PRLR: variants seen among roughly 807,000 people sequenced by gnomAD.
The protein encoded by PRLR is hPRL receptor.
PRLR carries 13 observed loss-of-function variants against 40.2 expected under a neutral mutation model. The observed-to-expected ratio is 0.32, with a 90% confidence interval of 0.21 to 0.51. The LOEUF is 0.51. Among genes scored for constraint, PRLR ranks in the 20% least tolerant of loss-of-function variants. PRLR has a pLI of 0.97. For missense variants in PRLR, 656 were observed against 747.3 expected (o/e 0.88, Z 1.42); for synonymous variants, 269 against 278.7 (o/e 0.97, Z 0.35).
At chr5:35,073,752 A>T (rs993342978) in intron 5 of PRLR, among the ~76,000 whole-genome samples, 2 of 152,210 alleles carry the variant, frequency 1.3e-5, no homozygotes, top group African/African-American at 2.4e-5. Context: ...AGGATACAAA[A>T]TTCAAGGAGG....
At chr5:35,200,596 A>G (rs189613201) in intron 1 of PRLR, among the ~76,000 whole-genome samples, 9 of 152,322 alleles carry the variant, frequency 5.9e-5, no homozygotes, top group Admixed American at 5.2e-4. Flanking sequence ...CTGTCCTGGC[A>G]GCTGAGGAAG....
At position 35,062,057 on chromosome 5, in the gene PRLR, CA is replaced by C. The variant is rs1366758085; in HGVS notation, c.*3031del. ...TAATCTTAGAATATGATTCTGTACA[CA>C]TTTCACTTATAAAATACTTGTGCAA... On this transcript the variant is annotated 3_prime_UTR_variant, in exon 10 of 10. Coordinates refer to ENST00000618457, the MANE Select transcript of PRLR (RefSeq NM_000949.7). The C allele has an allele frequency of 1.3e-5, 2 of 152,088 alleles. No individual in the cohort carries two copies. Among genetic ancestry groups the C allele is most frequent in the African/African-American group, 4.8e-5 (2 of 41,402 alleles). 9.4% of individuals were successfully genotyped at this position (152,088 alleles called of 1,614,324 possible).
intron 2 of PRLR, among the ~76,000 whole-genome samples, chr5:35,090,239 G>A (rs1035611462): frequency 5.9e-5 from 9 of 152,144 alleles, no homozygotes; most frequent in Non-Finnish European, 8.8e-5. Context: ...GAACCTCCAC[G>A]TGGTTTCTTT....
intron 5 of PRLR, among the ~76,000 whole-genome samples, chr5:35,082,742 T>C (rs1465924928): frequency 6.6e-6 from 1 of 152,192 alleles, no homozygotes; most frequent in East Asian, 1.9e-4. Context: ...AGTCGAAGTG[T>C]CAGAAAATGT....
At chr5:35,089,209 G>C (rs6883408) in intron 3 of PRLR, among the ~76,000 whole-genome samples, 3,308 of 152,234 alleles carry the variant, frequency 0.022, 115 homozygotes, top group African/African-American at 0.077. Flanking sequence ...TCCTCACTTT[G>C]AGAATTTGGA....
At chr5:35,152,493 C>CAT (rs746282631) in intron 1 of PRLR, among the ~76,000 whole-genome samples, 102 of 152,174 alleles carry the variant, frequency 6.7e-4, no homozygotes, top group Non-Finnish European at 1.2e-3. Context: ...AAAATTTTAG[C>CAT]ATAGGAGATT....
exon 9 of PRLR, chr5:35,049,001 T>C: frequency 2.2e-6 from 1 of 459,034 alleles, no homozygotes. Context: ...TAACAACCTT[T>C]TACTCCAAAT....
chr5:35,229,804 T>A (rs1776650371), intron 1 of PRLR, among the ~76,000 whole-genome samples: 1 of 151,644 alleles, frequency 6.6e-6, no homozygotes, highest in African/African-American at 2.4e-5. Context: ...GAGTCTCGAG[T>A]CCGGCTTTCA....
At chr5:35,194,624 A>G (rs1775687820) in intron 1 of PRLR, among the ~76,000 whole-genome samples, 1 of 152,228 alleles carries the variant, frequency 6.6e-6, no homozygotes, top group Non-Finnish European at 1.5e-5. Flanking sequence ...CTGGAAAAAC[A>G]TGGAGGAAGC....
intron 1 of PRLR, among the ~76,000 whole-genome samples, chr5:35,162,229 AAATC>A (rs1443085190): frequency 6.6e-6 from 1 of 152,206 alleles, no homozygotes; most frequent in Non-Finnish European, 1.5e-5. Context: ...GCACACAAGA[AAATC>A]TATCTATCTT....
intron 2 of PRLR, among the ~76,000 whole-genome samples, chr5:35,097,686 A>G (rs913116885): frequency 6.6e-6 from 1 of 152,144 alleles, no homozygotes; most frequent in Non-Finnish European, 1.5e-5. Flanking sequence ...CTCACTCAGC[A>G]TGCTCCCCCA....
intron 1 of PRLR, among the ~76,000 whole-genome samples, chr5:35,201,953 T>C (rs1298722880): frequency 6.6e-6 from 1 of 152,180 alleles, no homozygotes; most frequent in Non-Finnish European, 1.5e-5. Flanking sequence ...TACTCACCAA[T>C]ACCAACGTAA....
At chr5:35,165,118 G>A (rs1187798544) in intron 1 of PRLR, among the ~76,000 whole-genome samples, 2 of 152,188 alleles carry the variant, frequency 1.3e-5, no homozygotes, top group Non-Finnish European at 2.9e-5. Flanking sequence ...AAGACTTAGA[G>A]ACTCAAGGAG....
chr5:35,095,349 T>C (rs1034541162), intron 2 of PRLR, among the ~76,000 whole-genome samples: 2 of 152,156 alleles, frequency 1.3e-5, no homozygotes, highest in African/African-American at 4.8e-5. Flanking sequence ...TTCTAAGACA[T>C]GGGACAAAAC....
At chr5:35,074,842 T>C (rs1458193447) in intron 5 of PRLR, among the ~76,000 whole-genome samples, 1 of 152,108 alleles carries the variant, frequency 6.6e-6, no homozygotes, top group African/African-American at 2.4e-5. Flanking sequence ...TAGGCTCCTG[T>C]AGGTACAGGC....
At chr5:35,215,142 C>A (rs1377108341) in intron 1 of PRLR, among the ~76,000 whole-genome samples, 1 of 152,176 alleles carries the variant, frequency 6.6e-6, no homozygotes, top group African/African-American at 2.4e-5. Flanking sequence ...ATCTTCCTTG[C>A]CCCAATATCT....
chr5:35,087,795 C>G (rs1340548122), intron 3 of PRLR, among the ~76,000 whole-genome samples: 1 of 152,164 alleles, frequency 6.6e-6, no homozygotes, highest in Non-Finnish European at 1.5e-5. Flanking sequence ...CAAAGAGGGA[C>G]AGCAGAGCCC....
At chr5:35,167,491 A>G (rs1277992348) in intron 1 of PRLR, among the ~76,000 whole-genome samples, 1 of 152,144 alleles carries the variant, frequency 6.6e-6, no homozygotes, top group Non-Finnish European at 1.5e-5. Context: ...CTGAACTAAA[A>G]GAAATATTAA....
At chr5:35,135,381 G>C (rs1022988945) in intron 1 of PRLR, 1 of 152,302 alleles carries the variant, frequency 6.6e-6, no homozygotes, top group Non-Finnish European at 1.5e-5. Flanking sequence ...CAGCGTGTAC[G>C]CGTTGGCTTC....
Sources: allele counts gnomAD v4.1 joint callset (sites outside exome capture counted in the v4.1 genomes callset), GRCh38; gene constraint gnomAD v4.1.1; transcripts MANE v1.5; gene names NCBI Gene and HGNC (gene_info 2026-07-23, HGNC 2026-07-21).